The following FAM168B variants were observed in gnomAD, a reference collection of about 807,000 sequenced individuals.
FAM168B encodes myelin-associated neurite-outgrowth inhibitor.
In FAM168B, 19 loss-of-function variants were observed where a neutral mutation model predicts 21.8. That is an observed-to-expected ratio of 0.87 (90% confidence interval 0.61 to 1.28). The LOEUF is 1.28. FAM168B is among the 50% of genes most tolerant of loss of function. The pLI, the probability that FAM168B is intolerant of heterozygous loss-of-function variation, is 0.00. For synonymous variants in FAM168B, 126 were observed against 104.8 expected, an observed-to-expected ratio of 1.20 and a Z score of -1.24; for missense variants, 233 against 263.1, an observed-to-expected ratio of 0.89 and a Z score of 0.79.
At position 131,048,704 on chromosome 2, in the gene FAM168B, C is replaced by T; in HGVS notation, c.*3761G>A. On this transcript the variant is annotated 3_prime_UTR_variant, in exon 7 of 7. Transcript: ENST00000389915. ...CTGCCCTTCAGAAAGCCAGAGGGAACACTCACAAATGCAGAGGTACTAGAG... is the reference window on the plus strand; with the variant it reads ...CTGCCCTTCAGAAAGCCAGAGGGAATACTCACAAATGCAGAGGTACTAGAG... 1 of 989,426 alleles carries T rather than the reference C, an allele frequency of 1.0e-6. No individual in the cohort carries two copies. Among genetic ancestry groups the T allele is most frequent in the Non-Finnish European group, 1.2e-6 (1 of 832,234 alleles). 61.3% of individuals were successfully genotyped at this position (989,426 alleles called of 1,614,324 possible).
intron 3 of FAM168B, among the ~76,000 whole-genome samples, chr2:131,069,922 G>A (rs1221338072): frequency 2.6e-5 from 4 of 151,016 alleles, no homozygotes; most frequent in East Asian, 2.0e-4. Flanking sequence ...GCTATGGCAC[G>A]ATCTCGGCTC....
rs146935569 is a variant in FAM168B at position 131,072,601 on chromosome 2, G to C, written c.71-663C>G. 6.0e-3 allele frequency among the ~76,000 whole-genome samples: 907 copies of C among 152,162 alleles called. 9 individuals carry two copies. The highest frequency in any genetic ancestry group is 0.02 in the African/African-American group (839 of 41,500). On this transcript the variant is annotated intron_variant, in intron 2 of 6. Transcript: ENST00000389915. Reference sequence around the variant, plus strand: ...AGCCTTCCGAGTAGCTGGGATTACAGGCATCTACCACCACGCCCAGCTAAT... The same window carrying C: ...AGCCTTCCGAGTAGCTGGGATTACACGCATCTACCACCACGCCCAGCTAAT...
chr2:131,058,131 T>C (rs1410365918), intron 3 of FAM168B, among the ~76,000 whole-genome samples: 1 of 152,170 alleles, frequency 6.6e-6, no homozygotes, highest in Admixed American at 6.5e-5. Flanking sequence ...TATATATATA[T>C]GTGCCTGGTC....
chr2:131,058,000 T>G (rs1300722904), intron 3 of FAM168B, among the ~76,000 whole-genome samples: 2 of 152,088 alleles, frequency 1.3e-5, no homozygotes, highest in Non-Finnish European at 2.9e-5. Context: ...CCAGCTAATT[T>G]TTGTAATTTT....
At chr2:131,092,942 T>C (rs1291676713) in intron 1 of FAM168B, among the ~76,000 whole-genome samples, 1 of 151,920 alleles carries the variant, frequency 6.6e-6, no homozygotes, top group Admixed American at 6.5e-5. Flanking sequence ...ACCCCGACCT[T>C]TAGGAGAACG....
At chr2:131,065,658 G>A (rs993869913) in intron 3 of FAM168B, among the ~76,000 whole-genome samples, 1 of 151,902 alleles carries the variant, frequency 6.6e-6, no homozygotes, top group African/African-American at 2.4e-5. Context: ...GCGTGGTGGA[G>A]AGCGCCTGTA....
Position 131,051,489 on chromosome 2 carries a change from A to G in FAM168B, c.*976T>C. ...GATTCAAACATTTCTCCAGGAAAAAAAAAAAAAAAGGAATGATTTTCTAAG... is the reference window on the plus strand; with the variant it reads ...GATTCAAACATTTCTCCAGGAAAAAGAAAAAAAAAGGAATGATTTTCTAAG... On this transcript the variant is annotated 3_prime_UTR_variant, in exon 7 of 7. Coordinates refer to ENST00000389915, the MANE Select transcript of FAM168B (RefSeq NM_001009993.4). 1 of 984,326 alleles carries G rather than the reference A, an allele frequency of 1.0e-6. No individual in the cohort carries two copies. Among genetic ancestry groups the G allele is most frequent in the African/African-American group, 1.7e-5 (1 of 57,296 alleles). 61.0% of individuals were successfully genotyped at this position (984,326 alleles called of 1,614,324 possible).
chr2:131,088,019 G>T (rs762219410), intron 1 of FAM168B, among the ~76,000 whole-genome samples: 6 of 152,156 alleles, frequency 3.9e-5, no homozygotes, highest in Non-Finnish European at 7.4e-5. Context: ...GCCGATGAGG[G>T]CGGATCACTT....
At chr2:131,075,780 G>A (rs1358829539) in intron 2 of FAM168B, among the ~76,000 whole-genome samples, 7 of 151,966 alleles carry the variant, frequency 4.6e-5, no homozygotes, top group Admixed American at 6.6e-5. Context: ...GAGCCACCGC[G>A]CCCGGCCCCC....
At chr2:131,073,036 T>C (rs1692951264) in intron 2 of FAM168B, among the ~76,000 whole-genome samples, 1 of 152,228 alleles carries the variant, frequency 6.6e-6, no homozygotes, top group African/African-American at 2.4e-5. Flanking sequence ...CTATTATTTT[T>C]TGTTGTAAGA....
chr2:131,093,100 G>C (rs1211599733), intron 1 of FAM168B, 114 bp downstream of exon 1: 1 of 150,728 alleles, frequency 6.6e-6, no homozygotes, highest in East Asian at 1.9e-4. Context: ...GGCCGGTCCA[G>C]ACGCCCAGCG....
chr2:131,053,089 C>T lies in FAM168B; in HGVS notation c.476-74G>A. On this transcript the variant is annotated intron_variant, in intron 5 of 6. Coordinates refer to ENST00000389915, the MANE Select transcript of FAM168B (RefSeq NM_001009993.4). ...CCACACTGCCTGATACGCACACAAG[C>T]CTGGCCTCTTTGCAAGGAGGAGGGT... is the stretch of plus-strand genomic sequence containing the variant. The T allele has an allele frequency of 2.1e-6, 3 of 1,458,768 alleles. No homozygotes were observed. In the South Asian group the frequency reaches 4.1e-5, roughly 20 times the overall value. 90.4% of individuals were successfully genotyped at this position (1,458,768 alleles called of 1,614,324 possible).
Position 131,051,484 on chromosome 2 carries a change from A to G in FAM168B, c.*981T>C, listed in dbSNP as rs1267281784. ...CAGCTGATTCAAACATTTCTCCAGG[A>G]AAAAAAAAAAAAAAGGAATGATTTT... On this transcript the variant is annotated 3_prime_UTR_variant, in exon 7 of 7. Transcript: ENST00000389915. 24 of 100,738 alleles carry G rather than the reference A, an allele frequency of 2.4e-4. No individual in the cohort carries two copies. Among genetic ancestry groups the G allele is most frequent in the African/African-American group, 5.7e-4 (7 of 12,194 alleles). The allele number at this position is 100,738 out of a possible 1,614,324, so 6.2% of individuals were successfully genotyped here.
intron 5 of FAM168B, among the ~76,000 whole-genome samples, chr2:131,054,810 T>A (rs1691916809): frequency 6.6e-6 from 1 of 152,188 alleles, no homozygotes; most frequent in Non-Finnish European, 1.5e-5. Context: ...GGTAGATGAA[T>A]GCCAAAGGAT....
intron 3 of FAM168B, among the ~76,000 whole-genome samples, chr2:131,059,160 G>A (rs1026471499): frequency 8.5e-5 from 13 of 152,312 alleles, no homozygotes; most frequent in African/African-American, 2.9e-4. Context: ...CTGTCACAGC[G>A]GAGATGATCA....
intron 3 of FAM168B, among the ~76,000 whole-genome samples, chr2:131,065,069 T>C (rs1032579243): frequency 6.6e-6 from 1 of 152,030 alleles, no homozygotes; most frequent in Admixed American, 6.6e-5. Context: ...GCGGCCACAA[T>C]AATAGAACTG....
At chr2:131,092,097 T>C (rs1694062602) in intron 1 of FAM168B, among the ~76,000 whole-genome samples, 1 of 148,896 alleles carries the variant, frequency 6.7e-6, no homozygotes, top group Non-Finnish European at 1.5e-5. Context: ...TGAGCCGAGA[T>C]GGCGCCACTG....
chr2:131,072,514 T>A (rs948729094), intron 2 of FAM168B, among the ~76,000 whole-genome samples: 1 of 151,840 alleles, frequency 6.6e-6, no homozygotes, highest in African/African-American at 2.4e-5. Context: ...TTGCCCAGGC[T>A]AGAGTGCAGT....
chr2:131,073,802 T>C (rs537109542), intron 2 of FAM168B, among the ~76,000 whole-genome samples: 8 of 152,340 alleles, frequency 5.3e-5, no homozygotes, highest in South Asian at 2.1e-4. Flanking sequence ...TTCAGTCTTC[T>C]TACAGAAGGA....
Sources: gnomAD v4.1 joint callset for allele counts (sites outside exome capture counted in the v4.1 genomes callset) on GRCh38, gnomAD v4.1.1 for gene constraint, MANE v1.5 for transcripts, NCBI Gene and HGNC (gene_info 2026-07-23, HGNC 2026-07-21) for gene names.